Variants in ZNF644 observed in about 807,000 individuals in gnomAD.
The protein encoded by ZNF644 is zinc finger motif enhancer binding protein 2.
A neutral mutation model predicts 108.0 loss-of-function variants in ZNF644; 20 were observed. The ratio of observed to expected loss-of-function variants is 0.19; its 90% CI spans 0.13 to 0.27. ZNF644 has a LOEUF of 0.27. ZNF644 is among the 10% of genes least tolerant of loss of function. ZNF644 has a pLI of 1.00. For synonymous variants in ZNF644, 542 were observed against 539.1 expected, an observed-to-expected ratio of 1.01 and a Z score of -0.08; for missense variants, 1,338 against 1,548.9, an observed-to-expected ratio of 0.86 and a Z score of 2.29.
At chr1:90,921,567 C>T (rs1557541703) in intron 4 of ZNF644, among the ~76,000 whole-genome samples, 1 of 151,690 alleles carries the variant, frequency 6.6e-6, no homozygotes, top group Non-Finnish European at 1.5e-5. Context: ...AGAAACAAAT[C>T]CAGTCATCCA....
rs1248203274 is a variant in ZNF644, at chr1:90,939,067, T to G, written c.2287A>C (p.Lys763Gln). Residue 763 changes from lysine to glutamine, a missense_variant, in exon 3 of 6, where the codon AAA becomes CAA. Physicochemically the swap from Lys to Gln is moderately conservative, Grantham distance 53. Transcript: ENST00000337393. ...GAATTTAATGAACTAGCTTCTTCTT[T>G]TTTGAAATGCACAGGATATGATTCA... ...SGESYPVHFK[K>Q]EEASSLNSLH... 2.0e-5 allele frequency: 33 copies of G among 1,613,954 alleles called. No homozygotes were observed. Among genetic ancestry groups the G allele is most frequent in the Non-Finnish European group, 2.7e-5 (32 of 1,179,938 alleles).
At position 90,916,387 on chromosome 1, in the gene ZNF644, T is replaced by C. The variant is rs1195707222; in HGVS notation, c.*411A>G. On this transcript the variant is annotated 3_prime_UTR_variant, in exon 6 of 6. Transcript: ENST00000337393. ...TCTTGGTATTATACAAAACACTAAA[T>C]ACATACAAACAAAATATAATATCTT... 1 of 207,634 alleles carries C rather than the reference T, an allele frequency of 4.8e-6. No individual in the cohort carries two copies. The highest frequency in any genetic ancestry group is 1.3e-4 in the East Asian group (1 of 7,964). 12.9% of individuals were successfully genotyped at this position (207,634 alleles called of 1,614,324 possible).
At chr1:90,927,987 G>A (rs553104068) in intron 4 of ZNF644, among the ~76,000 whole-genome samples, 1 of 151,862 alleles carries the variant, frequency 6.6e-6, no homozygotes, top group African/African-American at 2.4e-5. Context: ...GGGATTACAG[G>A]CGCCCACCAC....
In ZNF644 at chr1:90,938,129, A is replaced by T; in HGVS notation, c.3083-39T>A. 4.4e-6 allele frequency: 7 copies of T among 1,608,920 alleles called. No individual in the cohort carries two copies. The highest frequency in any genetic ancestry group is 5.9e-6 in the Non-Finnish European group (7 of 1,177,744). ...TTTAAGAGTAATATCAGACTTTCTT[A>T]TATAAACTGACCACCCTAAAATGAG... On this transcript the variant is annotated intron_variant, in intron 3 of 5. Coordinates refer to ENST00000337393, the MANE Select transcript of ZNF644 (RefSeq NM_201269.3). This position sits in a 1 kb window ranked among gnomAD's most constrained non-coding sequence, Gnocchi z 4.2.
chr1:91,014,188 T>A (rs1258737410), intron 1 of ZNF644, among the ~76,000 whole-genome samples: 6 of 152,204 alleles, frequency 3.9e-5, no homozygotes, highest in Admixed American at 6.5e-5. Context: ...TATTTTGTGG[T>A]GTGAACACTT....
intron 2 of ZNF644, among the ~76,000 whole-genome samples, chr1:90,955,657 T>C (rs1653682955): frequency 6.6e-6 from 1 of 152,326 alleles, no homozygotes; most frequent in Non-Finnish European, 1.5e-5. Flanking sequence ...TCTCTTGGCC[T>C]TCACAGAATT....
chr1:91,006,101 CT>C lies in ZNF644; in HGVS notation c.-18+15888del, dbSNP rs1659394647. Among the ~76,000 whole-genome samples the C allele has an allele frequency of 2.0e-5, 3 of 152,282 alleles. No individual in the cohort carries two copies. In the South Asian group the frequency reaches 6.2e-4, roughly 32 times the overall value. ...TAATAAAAAGGATTATAAAAGAACA[CT>C]ATGCAACTGTATGCCAACAAATTAC... is the stretch of plus-strand genomic sequence containing the variant. On this transcript the variant is annotated intron_variant, in intron 1 of 5. Coordinates refer to ENST00000337393, the MANE Select transcript of ZNF644 (RefSeq NM_201269.3).
At chr1:90,917,395 G>A (rs1172123957) in intron 5 of ZNF644, among the ~76,000 whole-genome samples, 2 of 152,120 alleles carry the variant, frequency 1.3e-5, no homozygotes, top group African/African-American at 4.8e-5. Context: ...GTGACTATGA[G>A]GGGAGAGAAA....
In ZNF644 at chr1:90,916,803, A is replaced by T; in HGVS notation, c.3979T>A (p.Ser1327Thr). The T allele has an allele frequency of 6.2e-7, 1 of 1,614,144 alleles. No individual in the cohort carries two copies. The highest frequency in any genetic ancestry group is 8.5e-7 in the Non-Finnish European group (1 of 1,180,032). The change falls in exon 6 of 6, where the codon TCA becomes ACA. Residue 1327 changes from serine (S) to threonine (T), a missense_variant. This residue lies in a region of ZNF644 where 34 missense variants were observed against 78.6 expected (regional missense o/e 0.43). Transcript: ENST00000337393. ...SFSLLMAEAA[S>T] is the part of the protein sequence containing the mutation. ...ATTTAAAAGGTTTCCTGGTTCTATG[A>T]AGCTGCTTCGGCCATTAGTAGAGAA...
At chr1:90,945,580 A>G (rs1652432999) in intron 2 of ZNF644, among the ~76,000 whole-genome samples, 1 of 152,032 alleles carries the variant, frequency 6.6e-6, no homozygotes, top group Non-Finnish European at 1.5e-5. Context: ...CACCCTCACT[A>G]CACTACATCT....
intron 1 of ZNF644, among the ~76,000 whole-genome samples, chr1:90,997,881 G>A (rs563938759): frequency 3.3e-5 from 5 of 152,312 alleles, no homozygotes; most frequent in Admixed American, 6.5e-5. Flanking sequence ...CTTAGCAAAC[G>A]GCACACCAGG....
intron 2 of ZNF644, among the ~76,000 whole-genome samples, chr1:90,964,352 A>G (rs1007571126): frequency 3.3e-5 from 5 of 152,164 alleles, no homozygotes; most frequent in African/African-American, 9.6e-5. Flanking sequence ...ACATTTAGAC[A>G]AAGAAGGGGA....
intron 4 of ZNF644, among the ~76,000 whole-genome samples, chr1:90,933,673 A>G (rs1032378152): frequency 1.4e-5 from 1 of 71,624 alleles, no homozygotes; most frequent in African/African-American, 4.5e-5. Context: ...CAAAATAAAT[A>G]AATAAATAAA....
chr1:91,000,665 G>T (rs1024485025), intron 1 of ZNF644, among the ~76,000 whole-genome samples: 2 of 152,038 alleles, frequency 1.3e-5, no homozygotes, highest in Admixed American at 6.6e-5. Flanking sequence ...CTAGCAGAAA[G>T]CAAGAAATAA....
At chr1:90,976,793 T>C (rs901492485) in intron 2 of ZNF644, among the ~76,000 whole-genome samples, 5 of 152,064 alleles carry the variant, frequency 3.3e-5, no homozygotes, top group Non-Finnish European at 7.4e-5. Flanking sequence ...CTGAAGGGGA[T>C]TGGTTCCAGG....
At chr1:90,962,552 G>C (rs1654439555) in intron 2 of ZNF644, among the ~76,000 whole-genome samples, 1 of 152,034 alleles carries the variant, frequency 6.6e-6, no homozygotes, top group African/African-American at 2.4e-5. Context: ...AATAATAATA[G>C]TAAGTTCTAG....
intron 4 of ZNF644, among the ~76,000 whole-genome samples, chr1:90,930,085 G>A (rs184335679): frequency 2.0e-4 from 30 of 152,312 alleles, no homozygotes; most frequent in African/African-American, 6.7e-4. Flanking sequence ...TCAGGAGTTC[G>A]AGACCAGCCT....
At chr1:90,973,448 T>C (rs1019805763) in intron 2 of ZNF644, among the ~76,000 whole-genome samples, 2 of 152,184 alleles carry the variant, frequency 1.3e-5, no homozygotes, top group Non-Finnish European at 2.9e-5. Context: ...AGGTCTTCCA[T>C]TGTTAAACTC....
chr1:90,937,367 A>C lies in ZNF644; in HGVS notation c.3688+118T>G, dbSNP rs986654995. The C allele has an allele frequency of 2.1e-6, 3 of 1,462,954 alleles. No individual in the cohort carries two copies. In the African/African-American group the frequency reaches 4.2e-5, roughly 21 times the overall value. The allele number at this position is 1,462,954 out of a possible 1,614,324, so 90.6% of individuals were successfully genotyped here. On this transcript the variant is annotated intron_variant, in intron 4 of 5. Transcript: ENST00000337393. Reference sequence around the variant, plus strand: ...TAACCAATCTGTGCTCTGTAAAAAAAAAAAGCAGCTTAAACAGGAAGATTG... The same window carrying C: ...TAACCAATCTGTGCTCTGTAAAAAACAAAAGCAGCTTAAACAGGAAGATTG...
Sources: allele counts gnomAD v4.1 joint callset (sites outside exome capture counted in the v4.1 genomes callset), GRCh38; gene constraint gnomAD v4.1.1; regional missense constraint gnomAD v4.1.1; non-coding constraint Gnocchi (gnomAD v3.1); transcripts MANE v1.5; gene names NCBI Gene and HGNC (gene_info 2026-07-23, HGNC 2026-07-21).